Variants in LYST observed in about 807,000 individuals in gnomAD.
LYST encodes lysosomal-trafficking regulator.
In LYST, 192 loss-of-function variants were observed where a neutral mutation model predicts 413.6. The ratio of observed to expected loss-of-function variants is 0.46; its 90% CI spans 0.41 to 0.52. The LOEUF is 0.52. Ranked by LOEUF, LYST falls within the 20% of genes least tolerant of loss-of-function variation. The pLI, the probability that LYST is intolerant of heterozygous loss-of-function variation, is 0.00. For synonymous variants in LYST, 1,525 were observed against 1,567.3 expected (o/e 0.97, Z 0.64); for missense variants, 3,815 against 4,499.9 (o/e 0.85, Z 4.35).
Position 235,716,818 on chromosome 1 carries a change from T to C in LYST, c.9561-40A>G, listed in dbSNP as rs565458370. 26 of 1,233,204 alleles carry C rather than the reference T, an allele frequency of 2.1e-5. No individual in the cohort carries two copies. In the South Asian group the frequency reaches 2.9e-4, roughly 14 times the overall value. 76.4% of individuals were successfully genotyped at this position (1,233,204 alleles called of 1,614,324 possible). Reference sequence around the variant, plus strand: ...CAATTTTAAAAATTAAATATTTTGATACTGTCAAGATTAAGCTCCCTAGAT... The same window carrying C: ...CAATTTTAAAAATTAAATATTTTGACACTGTCAAGATTAAGCTCCCTAGAT... On this transcript the variant is annotated intron_variant, in intron 40 of 52. Transcript: ENST00000389793.
At chr1:235,698,038 G>A (rs543656562) in intron 45 of LYST, among the ~76,000 whole-genome samples, 1 of 152,236 alleles carries the variant, frequency 6.6e-6, no homozygotes, top group African/African-American at 2.4e-5. Flanking sequence ...AAATGAAGAA[G>A]AAAAGACATG....
Position 235,808,593 on chromosome 1 carries a change from C to T in LYST, c.2225G>A (p.Gly742Glu), listed in dbSNP as rs1194111697. The part of the protein sequence containing the change: ...NYIFNPVLQR[G>E]VELAHHCQHL... ...TTGACAATGATGTGCTAATTCAACT[C>T]CTCTTTGGAGCACAGGATTAAATAT... Residue 742 changes from glycine to glutamate, a missense_variant, in exon 5 of 53, where the codon GGA becomes GAA. Physicochemically the swap from Gly to Glu is moderately conservative, Grantham distance 98. Transcript: ENST00000389793. The T allele has an allele frequency of 6.2e-7, 1 of 1,613,888 alleles. No individual in the cohort carries two copies. Among genetic ancestry groups the T allele is most frequent in the African/African-American group, 1.3e-5 (1 of 74,902 alleles).
At chr1:235,682,164 A>T (rs911232674) in intron 48 of LYST, among the ~76,000 whole-genome samples, 2 of 152,144 alleles carry the variant, frequency 1.3e-5, no homozygotes, top group African/African-American at 2.4e-5. Context: ...TTTAAAAAGT[A>T]GTAGGGCATT....
At chr1:235,846,232 C>G in intron 1 of LYST, among the ~76,000 whole-genome samples, 1 of 152,100 alleles carries the variant, frequency 6.6e-6, no homozygotes, top group Non-Finnish European at 1.5e-5. Flanking sequence ...CGGCCTGGAG[C>G]CAGGGAGACT....
chr1:235,882,387 C>T (rs760992008), intron 1 of LYST, among the ~76,000 whole-genome samples: 1 of 152,188 alleles, frequency 6.6e-6, no homozygotes, highest in South Asian at 2.1e-4. Flanking sequence ...GTGTGCCATG[C>T]GGAAGCTTTG....
At chr1:235,816,577 T>C (rs1320835699) in intron 3 of LYST, among the ~76,000 whole-genome samples, 29 of 150,756 alleles carry the variant, frequency 1.9e-4, no homozygotes, top group Admixed American at 1.9e-3. Context: ...AAAATTCATA[T>C]GGAATAAGAA....
chr1:235,881,424 A>C (rs1572517496), intron 1 of LYST, among the ~76,000 whole-genome samples: 1 of 152,314 alleles, frequency 6.6e-6, no homozygotes, highest in East Asian at 1.9e-4. Flanking sequence ...GGCTTTGAGG[A>C]AAAATAATAG....
rs1665925836 is a variant in LYST, at chr1:235,746,357, C to A, written c.7951G>T (p.Val2651Phe). Residue 2651 changes from valine (V) to phenylalanine (F), a missense_variant, in exon 29 of 53, where the codon GTC becomes TTC. Transcript: ENST00000389793. Reference protein sequence around the residue: ...QRLQRLTVLAVNRIIYQEFNS... With the variant: ...QRLQRLTVLAFNRIIYQEFNS... ...TTACCTTGATAAATAATCCTGTTGACTGCTAAAACAGTGAGCCTCTGTAGT... is the reference window on the plus strand; with the variant it reads ...TTACCTTGATAAATAATCCTGTTGAATGCTAAAACAGTGAGCCTCTGTAGT... 6.2e-7 allele frequency: 1 copy of A among 1,613,808 alleles called. No homozygotes were observed. Among genetic ancestry groups the A allele is most frequent in the Non-Finnish European group, 8.5e-7 (1 of 1,179,804 alleles).
intron 10 of LYST, among the ~76,000 whole-genome samples, chr1:235,794,809 T>C (rs1234568930): frequency 1.3e-5 from 2 of 152,172 alleles, no homozygotes; most frequent in African/African-American, 4.8e-5. Flanking sequence ...GGTTTTTAAG[T>C]AGGAAAATAA....
rs551807477 is a variant in LYST, at chr1:235,746,801, A to T, written c.7781-274T>A. Among the ~76,000 whole-genome samples, 15 of 152,324 alleles carry T rather than the reference A, an allele frequency of 9.8e-5. No individual in the cohort carries two copies. The East Asian group carries it at 1.9e-3, about 20-fold the overall frequency. ...GATGTCATTTGGCAAAGTTCGAGTT[A>T]AAAAGTATTAAATGGGCTCAAATAG... On this transcript the variant is annotated intron_variant, in intron 28 of 52. Coordinates refer to ENST00000389793, the MANE Select transcript of LYST (RefSeq NM_000081.4).
chr1:235,733,449 T>C lies in LYST; in HGVS notation c.8801+54A>G, dbSNP rs373033967. 1.4e-5 allele frequency: 20 copies of C among 1,451,468 alleles called. No homozygotes were observed. In the African/African-American group the frequency reaches 1.7e-4, roughly 12 times the overall value. The allele number at this position is 1,451,468 out of a possible 1,614,324, so 89.9% of individuals were successfully genotyped here. A position where few individuals can be genotyped will look rare whatever the true frequency, so the allele number is the denominator to read the frequency against. ...TCCGGAATACAAATTCCGTTTAACA[T>C]CAATATCTTAAATCTTCATGGAAGA... On this transcript the variant is annotated intron_variant, in intron 34 of 52. Coordinates refer to ENST00000389793, the MANE Select transcript of LYST (RefSeq NM_000081.4).
rs1317189410 is a variant in LYST, at chr1:235,810,365, A to T, written c.453T>A (p.His151Gln). Residue 151 changes from histidine (H) to glutamine (Q), a missense_variant, in exon 5 of 53, where the codon CAT (histidine) becomes CAA (glutamine). Coordinates refer to ENST00000389793, the MANE Select transcript of LYST (RefSeq NM_000081.4). ...TTCTTGCATCTCTTACAGAATAGCG[A>T]TGGGTAATTTTACGCTGTCGTCTGC... Reference protein sequence around the residue: ...RKSRRQRKITHRYSVRDARKT... With the variant: ...RKSRRQRKITQRYSVRDARKT... 4.3e-6 allele frequency: 7 copies of T among 1,613,824 alleles called. No individual in the cohort carries two copies. The South Asian group carries it at 7.7e-5, about 18-fold the overall frequency.
At chr1:235,863,860 C>G (rs957068543) in intron 1 of LYST, among the ~76,000 whole-genome samples, 1 of 152,188 alleles carries the variant, frequency 6.6e-6, no homozygotes, top group African/African-American at 2.4e-5. Flanking sequence ...CTTACTCAGG[C>G]TTTTGAATTT....
rs770348264 is a variant in LYST, at chr1:235,724,195, T to C, written c.9163-15A>G. On this transcript the variant is annotated splice_polypyrimidine_tract_variant and intron_variant, in intron 38 of 52. Coordinates refer to ENST00000389793, the MANE Select transcript of LYST (RefSeq NM_000081.4). The stretch of plus-strand genomic sequence containing the variant: ...CCCTGAAGGCTCTAAGACAAAGAAA[T>C]AGGCAAAAATATTTGTTTTACCGGA... 5.6e-6 allele frequency: 9 copies of C among 1,601,880 alleles called. No individual in the cohort carries two copies. The East Asian group carries it at 1.3e-4, about 24-fold the overall frequency.
intron 3 of LYST, among the ~76,000 whole-genome samples, chr1:235,813,688 A>T (rs1374732763): frequency 2.0e-5 from 3 of 152,234 alleles, no homozygotes; most frequent in Non-Finnish European, 4.4e-5. Flanking sequence ...AAAGAACAGC[A>T]GAAGGCATGT....
intron 1 of LYST, among the ~76,000 whole-genome samples, chr1:235,864,308 T>C (rs867012451): frequency 2.0e-5 from 3 of 152,118 alleles, no homozygotes; most frequent in African/African-American, 7.2e-5. Context: ...AAAACGTGAA[T>C]GTCTAATTTT....
chr1:235,845,462 T>G (rs954121216), intron 1 of LYST, among the ~76,000 whole-genome samples: 2 of 152,114 alleles, frequency 1.3e-5, no homozygotes, highest in African/African-American at 4.8e-5. Flanking sequence ...TTTCTAACAA[T>G]TTGAACGCGG....
chr1:235,845,954 T>C (rs913353962), intron 1 of LYST, among the ~76,000 whole-genome samples: 1 of 151,624 alleles, frequency 6.6e-6, no homozygotes, highest in African/African-American at 2.4e-5. Context: ...TCTAGGGCCC[T>C]GCCCACCGCA....
intron 28 of LYST, among the ~76,000 whole-genome samples, chr1:235,746,834 C>T (rs950586036): frequency 1.2e-4 from 19 of 152,136 alleles, no homozygotes; most frequent in Admixed American, 8.5e-4. Flanking sequence ...TAGTTCAGAA[C>T]ATTTTGATAA....
Sources: allele counts gnomAD v4.1 joint callset (sites outside exome capture counted in the v4.1 genomes callset), GRCh38; gene constraint gnomAD v4.1.1; transcripts MANE v1.5; gene names NCBI Gene and HGNC (gene_info 2026-07-23, HGNC 2026-07-21).